AUTS2: variants seen among roughly 807,000 people sequenced by gnomAD.
The protein encoded by AUTS2 is autism susceptibility gene 2 protein.
A neutral mutation model predicts 112.4 loss-of-function variants in AUTS2; 17 were observed. That is an observed-to-expected ratio of 0.15 (90% confidence interval 0.10 to 0.23). The LOEUF (loss-of-function observed/expected upper bound fraction) is 0.23. AUTS2 is among the 10% of genes least tolerant of loss of function. The probability of loss-of-function intolerance (pLI) is 1.00; values close to 1 mark genes in which losing one functional copy is unlikely to be tolerated. For missense variants in AUTS2, 1,510 were observed against 1,701.6 expected, an observed-to-expected ratio of 0.89 and a Z score of 1.98; for synonymous variants, 751 against 702.7, an observed-to-expected ratio of 1.07 and a Z score of -1.09.
intron 5 of AUTS2, among the ~76,000 whole-genome samples, chr7:70,585,758 A>G (rs934243054): frequency 2.6e-5 from 4 of 152,170 alleles, no homozygotes; most frequent in African/African-American, 9.7e-5. Context: ...ATAACCCCTA[A>G]TGGGACCAGT....
chr7:70,038,115 G>A (rs1346718336), intron 2 of AUTS2, among the ~76,000 whole-genome samples: 1 of 151,952 alleles, frequency 6.6e-6, no homozygotes, highest in Non-Finnish European at 1.5e-5. Context: ...AGGTGAGTGT[G>A]GAAATGGACT....
chr7:70,708,596 A>T (rs944012626), intron 6 of AUTS2, among the ~76,000 whole-genome samples: 1 of 152,136 alleles, frequency 6.6e-6, no homozygotes, highest in Admixed American at 6.5e-5. Context: ...TTAAAAAAAA[A>T]AAAATAGCCT....
intron 3 of AUTS2, among the ~76,000 whole-genome samples, chr7:70,130,557 A>G (rs1584766965): frequency 6.6e-6 from 1 of 152,230 alleles, no homozygotes; most frequent in Admixed American, 6.5e-5. Flanking sequence ...GCATCCCATT[A>G]TGTTCCTGCA....
At chr7:70,507,529 G>T (rs1799013987) in intron 5 of AUTS2, among the ~76,000 whole-genome samples, 1 of 152,124 alleles carries the variant, frequency 6.6e-6, no homozygotes, top group African/African-American at 2.4e-5. Flanking sequence ...GGGCGCAGTG[G>T]CTCACACCTA....
At chr7:69,621,987 A>C (rs1354896120) in intron 1 of AUTS2, among the ~76,000 whole-genome samples, 2 of 152,118 alleles carry the variant, frequency 1.3e-5, no homozygotes. Context: ...TAAACAAACA[A>C]AAACCCTAAA....
intron 2 of AUTS2, among the ~76,000 whole-genome samples, chr7:69,997,929 A>T (rs1451989791): frequency 1.4e-4 from 21 of 152,154 alleles, no homozygotes; most frequent in Non-Finnish European, 4.4e-5. Context: ...GGGGTTTATT[A>T]CTGACTTATA....
chr7:70,719,762 A>G (rs142709512), intron 6 of AUTS2, among the ~76,000 whole-genome samples: 287 of 152,260 alleles, frequency 1.9e-3, no homozygotes, highest in Middle Eastern at 6.8e-3. Context: ...GCACCCGGCC[A>G]AGACACACAT....
At chr7:70,191,124 C>G (rs1475687519) in intron 4 of AUTS2, among the ~76,000 whole-genome samples, 1 of 147,738 alleles carries the variant, frequency 6.8e-6, no homozygotes, top group Non-Finnish European at 1.5e-5. Context: ...ACAATGACAG[C>G]TTACATATGA....
intron 4 of AUTS2, among the ~76,000 whole-genome samples, chr7:70,327,535 A>G (rs533498350): frequency 1.5e-4 from 23 of 152,348 alleles, no homozygotes; most frequent in African/African-American, 5.3e-4. Flanking sequence ...CTAGGTATTT[A>G]GGCTATGGCA....
intron 4 of AUTS2, among the ~76,000 whole-genome samples, chr7:70,341,698 A>G (rs1190712513): frequency 6.6e-6 from 1 of 152,234 alleles, no homozygotes. Flanking sequence ...AATGCTCAGA[A>G]AAGAATTCCC....
intron 1 of AUTS2, chr7:69,663,299 T>G (rs1410397252): frequency 6.6e-6 from 1 of 152,172 alleles, no homozygotes; most frequent in Non-Finnish European, 1.5e-5. Flanking sequence ...TATTTATGCT[T>G]TAAACATAAA....
chr7:70,371,619 A>G (rs1345982744), intron 4 of AUTS2, among the ~76,000 whole-genome samples: 1 of 152,164 alleles, frequency 6.6e-6, no homozygotes, highest in African/African-American at 2.4e-5. Context: ...TATATTGGCT[A>G]CACATGAGGC....
intron 1 of AUTS2, among the ~76,000 whole-genome samples, chr7:69,680,878 C>G (rs1796760969): frequency 6.6e-6 from 1 of 152,186 alleles, no homozygotes; most frequent in Non-Finnish European, 1.5e-5. Context: ...CCATATTGGC[C>G]AGGCTGGCCT....
At chr7:69,755,410 A>T (rs1382934022) in intron 1 of AUTS2, among the ~76,000 whole-genome samples, 1 of 152,210 alleles carries the variant, frequency 6.6e-6, no homozygotes, top group African/African-American at 2.4e-5. Context: ...AAGCATACAG[A>T]TTGGAGGAAG....
At chr7:70,757,388 T>C (rs951950157) in intron 6 of AUTS2, among the ~76,000 whole-genome samples, 1 of 152,226 alleles carries the variant, frequency 6.6e-6, no homozygotes, top group Non-Finnish European at 1.5e-5. Context: ...GTTTTCCAGC[T>C]AGGTAATTAT....
intron 2 of AUTS2, among the ~76,000 whole-genome samples, chr7:70,089,182 G>A (rs945174654): frequency 1.3e-5 from 2 of 152,212 alleles, no homozygotes; most frequent in South Asian, 2.1e-4. Context: ...TAAGAAAGGG[G>A]CATTGAAGTC....
intron 1 of AUTS2, among the ~76,000 whole-genome samples, chr7:69,827,171 T>C (rs1300154360): frequency 6.6e-6 from 1 of 152,188 alleles, no homozygotes; most frequent in Non-Finnish European, 1.5e-5. Flanking sequence ...GGAATCTGCT[T>C]GGACTATGTG....
chr7:69,981,802 A>G (rs1044317154), intron 2 of AUTS2, among the ~76,000 whole-genome samples: 1 of 152,226 alleles, frequency 6.6e-6, no homozygotes, highest in African/African-American at 2.4e-5. Context: ...GTAGGTCACT[A>G]AAGAGTGAAG....
At chr7:70,439,227 C>T (rs888685411) in intron 5 of AUTS2, among the ~76,000 whole-genome samples, 2 of 152,098 alleles carry the variant, frequency 1.3e-5, no homozygotes, top group East Asian at 1.9e-4. Context: ...TGTCAGATAA[C>T]CACAAGGACG....
Sources: gnomAD v4.1 joint callset for allele counts (sites outside exome capture counted in the v4.1 genomes callset) on GRCh38, gnomAD v4.1.1 for gene constraint, MANE v1.5 for transcripts, NCBI Gene and HGNC (gene_info 2026-07-23, HGNC 2026-07-21) for gene names.